Variants in LDB2 observed in about 807,000 individuals in gnomAD.
The protein encoded by LDB2 is LIM domain-binding protein 2.
Under a neutral mutation model 44.3 loss-of-function variants are expected in LDB2, and 12 were observed. The observed-to-expected ratio is 0.27, with a 90% CI of 0.17 to 0.44. LDB2 has a LOEUF of 0.44. Ranked by LOEUF, LDB2 falls within the 20% of genes least tolerant of loss-of-function variation. The pLI, the probability that LDB2 is intolerant of heterozygous loss-of-function variation, is 1.00. For synonymous variants in LDB2, 164 were observed against 174.8 expected, an observed-to-expected ratio of 0.94 and a Z score of 0.49; for missense variants, 344 against 473.5, an observed-to-expected ratio of 0.73 and a Z score of 2.54.
chr4:16,564,501 C>G (rs1042770126), intron 5 of LDB2, among the ~76,000 whole-genome samples: 2 of 152,222 alleles, frequency 1.3e-5, no homozygotes, highest in Non-Finnish European at 2.9e-5. Context: ...GCTCTACAAG[C>G]TAAAATGCAG....
intron 5 of LDB2, among the ~76,000 whole-genome samples, chr4:16,545,543 C>T (rs922917904): frequency 2.6e-5 from 4 of 151,972 alleles, no homozygotes; most frequent in South Asian, 2.1e-4. Flanking sequence ...TGGATAAATC[C>T]GCTTCAATTA....
At chr4:16,557,148 G>A (rs554832212) in intron 5 of LDB2, among the ~76,000 whole-genome samples, 5 of 152,304 alleles carry the variant, frequency 3.3e-5, no homozygotes, top group Non-Finnish European at 7.3e-5. Context: ...CGTGAGCGAC[G>A]CAGAAGACGG....
intron 2 of LDB2, among the ~76,000 whole-genome samples, chr4:16,736,713 T>A (rs1056183312): frequency 6.6e-6 from 1 of 152,180 alleles, no homozygotes; most frequent in African/African-American, 2.4e-5. Context: ...GTGTTGACAG[T>A]CTATTTTTCA....
chr4:16,795,754 C>T (rs2109670075), intron 1 of LDB2, among the ~76,000 whole-genome samples: 1 of 152,288 alleles, frequency 6.6e-6, no homozygotes, highest in African/African-American at 2.4e-5. Context: ...TCTCCCCCAC[C>T]ACCTTAACCT....
chr4:16,608,302 T>TA (rs575843311), intron 2 of LDB2, among the ~76,000 whole-genome samples: 5 of 150,196 alleles, frequency 3.3e-5, no homozygotes, highest in East Asian at 4.0e-4. Context: ...TGAGAAGCAG[T>TA]AAAAAAAGGG....
chr4:16,744,057 G>A (rs976088192), intron 2 of LDB2, among the ~76,000 whole-genome samples: 1 of 152,152 alleles, frequency 6.6e-6, no homozygotes. Flanking sequence ...ATGATATGTG[G>A]TCCTTGTAAA....
At chr4:16,848,012 AT>A in intron 1 of LDB2, among the ~76,000 whole-genome samples, 1 of 152,382 alleles carries the variant, frequency 6.6e-6, no homozygotes, top group East Asian at 1.9e-4. Context: ...TGTGAAAAAA[AT>A]AAAATAAAAA....
chr4:16,525,223 G>A (rs150163992), intron 5 of LDB2, among the ~76,000 whole-genome samples: 2 of 152,234 alleles, frequency 1.3e-5, no homozygotes, highest in East Asian at 1.9e-4. Flanking sequence ...GGAGGATTTC[G>A]GGGCTGCTGA....
At chr4:16,789,820 T>C (rs916819051) in intron 1 of LDB2, among the ~76,000 whole-genome samples, 4 of 152,166 alleles carry the variant, frequency 2.6e-5, no homozygotes, top group Non-Finnish European at 4.4e-5. Flanking sequence ...TAGTCCCAGC[T>C]ACTCGAGAGG....
chr4:16,718,044 C>A (rs996635290), intron 2 of LDB2, among the ~76,000 whole-genome samples: 1 of 151,930 alleles, frequency 6.6e-6, no homozygotes, highest in African/African-American at 2.4e-5. Context: ...ATGCGGATCC[C>A]AGGGTGAAAT....
chr4:16,729,862 A>T (rs1157035028), intron 2 of LDB2, among the ~76,000 whole-genome samples: 1 of 152,166 alleles, frequency 6.6e-6, no homozygotes, highest in Non-Finnish European at 1.5e-5. Flanking sequence ...GTTTTCTAAA[A>T]TAACGACCGC....
chr4:16,648,010 T>G (rs1354678559), intron 2 of LDB2, among the ~76,000 whole-genome samples: 2 of 152,230 alleles, frequency 1.3e-5, no homozygotes, highest in East Asian at 3.9e-4. Context: ...TGCTCACTAG[T>G]CTGTCTTCCC....
At chr4:16,733,946 G>A (rs1296597159) in intron 2 of LDB2, among the ~76,000 whole-genome samples, 2 of 152,208 alleles carry the variant, frequency 1.3e-5, no homozygotes, top group African/African-American at 4.8e-5. Context: ...ATACTTGGGA[G>A]AGACGGAGCT....
At chr4:16,713,367 T>TA (rs34475059) in intron 2 of LDB2, among the ~76,000 whole-genome samples, 70,205 of 151,796 alleles carry the variant, frequency 0.46, 16,720 homozygotes, top group East Asian at 0.78. Flanking sequence ...AGTAAAGCTT[T>TA]TTTTTTTTTA....
At chr4:16,677,094 T>G (rs1057109701) in intron 2 of LDB2, among the ~76,000 whole-genome samples, 1 of 152,150 alleles carries the variant, frequency 6.6e-6, no homozygotes, top group African/African-American at 2.4e-5. Context: ...GGGGAGAGAA[T>G]AGCGCCTATG....
intron 2 of LDB2, among the ~76,000 whole-genome samples, chr4:16,693,645 G>T (rs1189154784): frequency 6.6e-6 from 1 of 152,132 alleles, no homozygotes; most frequent in East Asian, 1.9e-4. Flanking sequence ...CTTCTGTGGT[G>T]TGTTTCTAGT....
rs35448128 is a variant in LDB2, at chr4:16,719,084, G to GAA, written c.235+40072_235+40073dup. Among the ~76,000 whole-genome samples the GAA allele has an allele frequency of 4.2e-3, 620 of 148,228 alleles. 3 individuals carry two copies. The highest frequency in any genetic ancestry group is 5.9e-3 in the Non-Finnish European group (396 of 67,028). On this transcript the variant is annotated intron_variant, in intron 2 of 7. Coordinates refer to ENST00000304523, the MANE Select transcript of LDB2 (RefSeq NM_001290.5). ...AAAGTCATGACCAAATGCAAAAGAA[G>GAA]AAAAAAAAAAACCTATTTTCTACTC...
At chr4:16,747,662 G>T (rs1764666064) in intron 2 of LDB2, among the ~76,000 whole-genome samples, 1 of 152,094 alleles carries the variant, frequency 6.6e-6, no homozygotes, top group Non-Finnish European at 1.5e-5. Context: ...CTCTCAGCTA[G>T]CTAACTTTAA....
At chr4:16,563,784 C>CAGAA (rs1415878029) in intron 5 of LDB2, among the ~76,000 whole-genome samples, 1 of 151,854 alleles carries the variant, frequency 6.6e-6, no homozygotes, top group Non-Finnish European at 1.5e-5. Context: ...ACCAGCATAG[C>CAGAA]AGAAAGACTG....
Sources: gnomAD v4.1 joint callset for allele counts (sites outside exome capture counted in the v4.1 genomes callset) on GRCh38, gnomAD v4.1.1 for gene constraint, MANE v1.5 for transcripts, NCBI Gene and HGNC (gene_info 2026-07-23, HGNC 2026-07-21) for gene names.